Variants in ERC2 observed in about 807,000 individuals in gnomAD.
The protein encoded by ERC2 is ERC protein 2.
A neutral mutation model predicts 114.8 loss-of-function variants in ERC2; 42 were observed. The observed-to-expected ratio is 0.37, with a 90% CI of 0.29 to 0.47. The LOEUF (loss-of-function observed/expected upper bound fraction) is 0.47. ERC2 is among the 20% of genes least tolerant of loss of function. The pLI, the probability that ERC2 is intolerant of heterozygous loss-of-function variation, is 0.99. For missense variants in ERC2, 939 were observed against 1,150.7 expected, an observed-to-expected ratio of 0.82 and a Z score of 2.66; for synonymous variants, 454 against 425.5, an observed-to-expected ratio of 1.07 and a Z score of -0.82.
intron 7 of ERC2, among the ~76,000 whole-genome samples, chr3:56,063,223 G>A (rs945671994): frequency 5.9e-5 from 9 of 152,176 alleles, no homozygotes; most frequent in African/African-American, 2.2e-4. Context: ...AGGCTGGGGA[G>A]AGAGATTGAC....
chr3:56,245,547 C>T (rs947005260), intron 3 of ERC2, among the ~76,000 whole-genome samples: 13 of 151,512 alleles, frequency 8.6e-5, no homozygotes, highest in African/African-American at 2.9e-4. Context: ...AATAGATATA[C>T]ACTCTTAGTC....
In ERC2 at chr3:56,434,537, C is replaced by T; in HGVS notation, c.471G>A (p.Leu157=). 2.5e-6 allele frequency: 4 copies of T among 1,614,000 alleles called. No individual in the cohort carries two copies. Among genetic ancestry groups the T allele is most frequent in the Non-Finnish European group, 3.4e-6 (4 of 1,179,884 alleles). ...MLDLQAQLKE[L]QRENDLLRKE... ...TCCGGAGGAGGTCATTCTCTCTCTG[C>T]AGTTCTTTCAGCTGGGCCTGAAGAT... Residue 157 remains leucine (L), a synonymous_variant, in exon 2 of 18, where the codon CTG becomes CTA. Coordinates refer to ENST00000288221, the MANE Select transcript of ERC2 (RefSeq NM_015576.3).
At chr3:56,284,386 T>A (rs991679309) in intron 3 of ERC2, among the ~76,000 whole-genome samples, 1 of 152,220 alleles carries the variant, frequency 6.6e-6, no homozygotes, top group Admixed American at 6.5e-5. Flanking sequence ...GCAAGATTTT[T>A]AATAGCAATA....
At chr3:55,515,092 T>A (rs562620744) in intron 17 of ERC2, among the ~76,000 whole-genome samples, 1 of 152,172 alleles carries the variant, frequency 6.6e-6, no homozygotes, top group South Asian at 2.1e-4. Flanking sequence ...ATTTGCACCA[T>A]GAAGAAAAGG....
At chr3:55,554,177 T>A (rs1048831843) in intron 17 of ERC2, among the ~76,000 whole-genome samples, 5 of 152,120 alleles carry the variant, frequency 3.3e-5, no homozygotes, top group African/African-American at 1.2e-4. Context: ...ACCTGGACTA[T>A]CTTACCATCC....
chr3:55,642,091 C>T (rs1409005657), intron 17 of ERC2, among the ~76,000 whole-genome samples: 1 of 152,172 alleles, frequency 6.6e-6, no homozygotes, highest in Non-Finnish European at 1.5e-5. Flanking sequence ...CCAAGATAGG[C>T]ACTCAATATT....
At chr3:55,552,887 C>T (rs987177292) in intron 17 of ERC2, among the ~76,000 whole-genome samples, 2 of 151,650 alleles carry the variant, frequency 1.3e-5, no homozygotes, top group African/African-American at 2.4e-5. Context: ...AAAAACCAAC[C>T]GACTGAATTA....
At chr3:55,606,359 TA>T (rs1338941527) in intron 17 of ERC2, among the ~76,000 whole-genome samples, 1 of 152,132 alleles carries the variant, frequency 6.6e-6, no homozygotes, top group African/African-American at 2.4e-5. Flanking sequence ...TGGGCTGGGC[TA>T]GGGGGTAGAG....
chr3:56,242,564 A>C (rs2051395801), intron 3 of ERC2, among the ~76,000 whole-genome samples: 1 of 152,316 alleles, frequency 6.6e-6, no homozygotes, highest in Admixed American at 6.5e-5. Context: ...ATGAATACTT[A>C]GGAACTTTTA....
At chr3:55,713,269 G>A (rs781677525) in intron 15 of ERC2, among the ~76,000 whole-genome samples, 12 of 151,866 alleles carry the variant, frequency 7.9e-5, no homozygotes, top group Non-Finnish European at 1.8e-4. Flanking sequence ...GGAGTGCAAT[G>A]GGGCAGTCTT....
rs1575436331 is a variant in ERC2 at position 55,737,071 on chromosome 3, A to T, written c.2565-2153T>A. ...CAAGGCCCAGGACTAAAACCTGGTC[A>T]TGATCCTGTTTTGCCTTTCTTTAAT... On this transcript the variant is annotated intron_variant, in intron 14 of 17. Coordinates refer to ENST00000288221, the MANE Select transcript of ERC2 (RefSeq NM_015576.3). Among the ~76,000 whole-genome samples, 4 of 152,198 alleles carry T rather than the reference A, an allele frequency of 2.6e-5. No homozygotes were observed. In the East Asian group the frequency reaches 7.7e-4, roughly 29 times the overall value.
intron 2 of ERC2, among the ~76,000 whole-genome samples, chr3:56,400,355 A>G (rs1362689949): frequency 6.6e-6 from 1 of 152,184 alleles, no homozygotes; most frequent in East Asian, 1.9e-4. Flanking sequence ...TATTCTGTTT[A>G]TATTTCTCCA....
chr3:55,815,552 C>A lies in ERC2; in HGVS notation c.2564+72837G>T, dbSNP rs78106034. On this transcript the variant is annotated intron_variant, in intron 14 of 17. Coordinates refer to ENST00000288221, the MANE Select transcript of ERC2 (RefSeq NM_015576.3). The stretch of plus-strand genomic sequence containing the variant: ...AACAACCAGGAGCTTGGAAGGGGAG[C>A]CTGAGTCCTGGATAAGGACTGCAGC... Among the ~76,000 whole-genome samples, 459 of 152,284 alleles carry A rather than the reference C, an allele frequency of 3.0e-3. 18 individuals carry two copies. The East Asian group carries it at 0.082, about 27-fold the overall frequency.
At chr3:56,272,633 G>T (rs546753275) in intron 3 of ERC2, among the ~76,000 whole-genome samples, 4 of 152,324 alleles carry the variant, frequency 2.6e-5, no homozygotes, top group Non-Finnish European at 4.4e-5. Context: ...AGCCAGGCGG[G>T]GTAGTGCATG....
intron 13 of ERC2, among the ~76,000 whole-genome samples, chr3:55,932,257 T>A (rs920187703): frequency 6.6e-6 from 1 of 152,178 alleles, no homozygotes; most frequent in Non-Finnish European, 1.5e-5. Context: ...GCCTCTTTCC[T>A]TTTATGTCTG....
rs1469795406 is a variant in ERC2 at position 55,850,865 on chromosome 3, C to CACACACAT, written c.2564+37523_2564+37524insATGTGTGT. On this transcript the variant is annotated intron_variant, in intron 14 of 17. Transcript: ENST00000288221. ...TTTCAAACACACACACACACACACACACACACACACACACACACACACACA... is the reference window on the plus strand; with the variant it reads ...TTTCAAACACACACACACACACACACACACACATACACACACACACACACACACACACA... 2.0e-5 allele frequency among the ~76,000 whole-genome samples: 3 copies of CACACACAT among 151,240 alleles called. No individual in the cohort carries two copies. The East Asian group carries it at 5.8e-4, about 29-fold the overall frequency.
chr3:55,822,961 C>T (rs1170745073), intron 14 of ERC2, among the ~76,000 whole-genome samples: 2 of 152,098 alleles, frequency 1.3e-5, no homozygotes, highest in Non-Finnish European at 2.9e-5. Context: ...TCATGGCAAA[C>T]CCCTTCTTCT....
intron 3 of ERC2, among the ~76,000 whole-genome samples, chr3:56,179,498 C>T (rs377289935): frequency 2.0e-5 from 3 of 152,136 alleles, no homozygotes; most frequent in African/African-American, 7.2e-5. Flanking sequence ...AGGACAGACC[C>T]ATCAGAGCTA....
intron 14 of ERC2, among the ~76,000 whole-genome samples, chr3:55,860,175 G>A (rs1021533915): frequency 6.6e-6 from 1 of 152,134 alleles, no homozygotes; most frequent in Non-Finnish European, 1.5e-5. Flanking sequence ...TAACAAAAGA[G>A]GAGTTTACTT....
Sources: allele counts gnomAD v4.1 joint callset (sites outside exome capture counted in the v4.1 genomes callset), GRCh38; gene constraint gnomAD v4.1.1; transcripts MANE v1.5; gene names NCBI Gene and HGNC (gene_info 2026-07-23, HGNC 2026-07-21).